Variants in SGCZ observed in about 807,000 individuals in gnomAD.
SGCZ encodes the protein sarcoglycan zeta, also known as zeta-sarcoglycan.
Under a neutral mutation model 41.3 loss-of-function variants are expected in SGCZ, and 40 were observed. The observed-to-expected ratio is 0.97, with a 90% confidence interval of 0.75 to 1.26. The LOEUF (loss-of-function observed/expected upper bound fraction) is 1.26. SGCZ is among the 50% of genes most tolerant of loss of function. The pLI is 0.00. For synonymous variants in SGCZ, 206 were observed against 137.5 expected (o/e 1.50, Z -3.49); for missense variants, 552 against 369.8 (o/e 1.49, Z -4.04).
chr8:15,179,734 C>A (rs1450374712), intron 1 of SGCZ, among the ~76,000 whole-genome samples: 4 of 152,070 alleles, frequency 2.6e-5, no homozygotes. Context: ...AGTAATTCTG[C>A]CAATTTAATC....
chr8:14,322,400 T>A (rs1801952830), intron 3 of SGCZ, among the ~76,000 whole-genome samples: 1 of 152,052 alleles, frequency 6.6e-6, no homozygotes, highest in Non-Finnish European at 1.5e-5. Context: ...GGATGGAAAC[T>A]AGGAAGCGCA....
chr8:15,021,149 G>A (rs1289706347), intron 1 of SGCZ, among the ~76,000 whole-genome samples: 1 of 152,114 alleles, frequency 6.6e-6, no homozygotes, highest in African/African-American at 2.4e-5. Context: ...TATCAAAAAT[G>A]GTATTAAGCT....
chr8:14,604,159 G>A (rs1805675113), intron 1 of SGCZ, among the ~76,000 whole-genome samples: 1 of 152,058 alleles, frequency 6.6e-6, no homozygotes, highest in South Asian at 2.1e-4. Context: ...AAATGCTACT[G>A]TAATGTACGG....
chr8:14,101,204 T>TTAGA (rs1164953311), intron 7 of SGCZ, among the ~76,000 whole-genome samples: 1 of 151,894 alleles, frequency 6.6e-6, no homozygotes, highest in Non-Finnish European at 1.5e-5. Context: ...AAATATGAGA[T>TTAGA]TAGATAGTGG....
At chr8:14,776,064 A>G (rs1031053) in intron 1 of SGCZ, among the ~76,000 whole-genome samples, 25,776 of 152,218 alleles carry the variant, frequency 0.17, 2,344 homozygotes, top group Middle Eastern at 0.22. Flanking sequence ...AAGACATTCA[A>G]AAGTTAAAAA....
At chr8:14,920,134 T>C (rs901068087) in intron 1 of SGCZ, among the ~76,000 whole-genome samples, 3 of 152,172 alleles carry the variant, frequency 2.0e-5, no homozygotes, top group Non-Finnish European at 4.4e-5. Context: ...CATTTACAAG[T>C]TGAACAAATG....
intron 1 of SGCZ, among the ~76,000 whole-genome samples, chr8:14,655,113 A>G (rs943843385): frequency 6.6e-6 from 1 of 152,134 alleles, no homozygotes; most frequent in African/African-American, 2.4e-5. Context: ...AAAGAATCTA[A>G]GCTTATTTTA....
chr8:14,823,320 G>C (rs1385067017), intron 1 of SGCZ, among the ~76,000 whole-genome samples: 1 of 151,790 alleles, frequency 6.6e-6, no homozygotes. Context: ...GAAAATATTT[G>C]CAAACAATAT....
intron 1 of SGCZ, among the ~76,000 whole-genome samples, chr8:15,223,748 A>C (rs1420271475): frequency 6.6e-6 from 1 of 152,240 alleles, no homozygotes; most frequent in African/African-American, 2.4e-5. Context: ...TGCACATTTC[A>C]GATAGTATGG....
At chr8:14,418,226 T>C (rs1019893827) in intron 2 of SGCZ, among the ~76,000 whole-genome samples, 11 of 152,032 alleles carry the variant, frequency 7.2e-5, no homozygotes, top group African/African-American at 2.6e-4. Context: ...CACTTTAAAG[T>C]ATTCTATCAT....
intron 1 of SGCZ, among the ~76,000 whole-genome samples, chr8:14,854,745 T>C (rs1315873841): frequency 6.6e-6 from 1 of 152,100 alleles, no homozygotes; most frequent in Non-Finnish European, 1.5e-5. Flanking sequence ...AGGAATTAGT[T>C]TGCTATTATC....
chr8:15,210,539 G>A (rs776901959), intron 1 of SGCZ, among the ~76,000 whole-genome samples: 21 of 152,084 alleles, frequency 1.4e-4, no homozygotes, highest in African/African-American at 9.7e-5. Flanking sequence ...GCTCTTGGCT[G>A]TCTTCAGATC....
At chr8:14,236,404 A>T (rs1040001078) in intron 4 of SGCZ, among the ~76,000 whole-genome samples, 2 of 152,302 alleles carry the variant, frequency 1.3e-5, no homozygotes, top group African/African-American at 2.4e-5. Context: ...TAGAAAATTC[A>T]TATATGCTAA....
chr8:14,310,084 C>G (rs1396025372), intron 3 of SGCZ, among the ~76,000 whole-genome samples: 2 of 152,064 alleles, frequency 1.3e-5, no homozygotes, highest in Non-Finnish European at 2.9e-5. Flanking sequence ...GCATATTTTG[C>G]TGGTTTGAAA....
intron 1 of SGCZ, among the ~76,000 whole-genome samples, chr8:15,043,561 T>C (rs1057465879): frequency 6.6e-6 from 1 of 152,122 alleles, no homozygotes. Context: ...AAAGGCAACA[T>C]CATTTTTCCT....
chr8:14,286,498 T>G (rs1026315225), intron 3 of SGCZ, among the ~76,000 whole-genome samples: 1 of 152,118 alleles, frequency 6.6e-6, no homozygotes, highest in African/African-American at 2.4e-5. Flanking sequence ...TAAAGCGTGT[T>G]GAAGAGTGTT....
chr8:14,434,907 G>C (rs1426276441), intron 2 of SGCZ, among the ~76,000 whole-genome samples: 1 of 152,066 alleles, frequency 6.6e-6, no homozygotes, highest in Non-Finnish European at 1.5e-5. Flanking sequence ...CACTCAAGTG[G>C]AGAGCAAGTC....
At chr8:14,104,901 T>G (rs1199886944) in intron 6 of SGCZ, among the ~76,000 whole-genome samples, 4 of 152,146 alleles carry the variant, frequency 2.6e-5, no homozygotes, top group Non-Finnish European at 5.9e-5. Flanking sequence ...TAAAATGAAT[T>G]AACATTTATT....
intron 3 of SGCZ, among the ~76,000 whole-genome samples, chr8:14,308,381 C>T (rs1029511076): frequency 1.3e-5 from 2 of 152,044 alleles, no homozygotes; most frequent in African/African-American, 4.8e-5. Flanking sequence ...GGATAGAGAA[C>T]TATCTGCAGT....
Sources: gnomAD v4.1 joint callset for allele counts (sites outside exome capture counted in the v4.1 genomes callset) on GRCh38, gnomAD v4.1.1 for gene constraint, MANE v1.5 for transcripts, NCBI Gene and HGNC (gene_info 2026-07-23, HGNC 2026-07-21) for gene names.